CABIN1: variants seen among roughly 807,000 people sequenced by gnomAD.
The protein encoded by CABIN1 is calcineurin-binding protein cabin-1.
In CABIN1, 133 loss-of-function variants were observed where a neutral mutation model predicts 227.7. That is an observed-to-expected ratio of 0.58 (90% CI 0.51 to 0.67). CABIN1 has a LOEUF of 0.67. Ranked by LOEUF, CABIN1 falls within the 30% of genes least tolerant of loss-of-function variation. The pLI, the probability that CABIN1 is intolerant of heterozygous loss-of-function variation, is 0.00. For synonymous variants in CABIN1, 1,086 were observed against 1,155.1 expected (o/e 0.94, Z 1.21); for missense variants, 2,408 against 2,852.5 (o/e 0.84, Z 3.55).
In CABIN1 at chr22:24,072,474, T is replaced by C. The variant is rs1262115576; in HGVS notation, c.2596T>C (p.Cys866Arg). 6.2e-7 allele frequency: 1 copy of C among 1,614,078 alleles called. No homozygotes were observed. The highest frequency in any genetic ancestry group is 1.3e-5 in the African/African-American group (1 of 74,922). ...WQEEDTFHSL[C>R]HQQQLQNPAE... ...GGAGGAAGACACCTTCCATTCTCTG[T>C]GCCACCAGCAGCAGCTCCAAAACCC... Residue 866 changes from cysteine to arginine, a missense_variant, in exon 18 of 37, where the codon TGC becomes CGC. Physicochemically the swap from Cys to Arg is radical, Grantham distance 180 (BLOSUM62 -3). Transcript: ENST00000263119.
At chr22:24,048,611 G>A (rs1253936665) in intron 6 of CABIN1, among the ~76,000 whole-genome samples, 1 of 152,116 alleles carries the variant, frequency 6.6e-6, no homozygotes, top group African/African-American at 2.4e-5. Context: ...TGTAGAGATG[G>A]GGTTTCATCA....
chr22:24,140,470 T>C (rs1048527291), intron 29 of CABIN1, among the ~76,000 whole-genome samples: 1 of 152,136 alleles, frequency 6.6e-6, no homozygotes, highest in African/African-American at 2.4e-5. Context: ...TGAGGGTTTG[T>C]GTCTGGGTGC....
chr22:24,110,776 T>C (rs1189349171), intron 26 of CABIN1, among the ~76,000 whole-genome samples: 4 of 152,216 alleles, frequency 2.6e-5, no homozygotes, highest in African/African-American at 7.2e-5. Context: ...TTCTTAACTT[T>C]GTCCCTCTGT....
chr22:24,156,879 G>A (rs1217653524), intron 29 of CABIN1, among the ~76,000 whole-genome samples: 1 of 152,152 alleles, frequency 6.6e-6, no homozygotes, highest in African/African-American at 2.4e-5. Context: ...GGAACAGCCC[G>A]GCAGTTCTGG....
At chr22:24,063,927 C>T (rs938207737) in intron 14 of CABIN1, 108 bp from the exon 15 acceptor site, 66 of 1,426,708 alleles carry the variant, frequency 4.6e-5, no homozygotes, top group Non-Finnish European at 5.9e-5. Flanking sequence ...TGGTAAAAAA[C>T]CCACCCTCAT....
intron 13 of CABIN1, among the ~76,000 whole-genome samples, chr22:24,062,346 A>ATTT (rs35757164): frequency 1.6e-4 from 15 of 96,540 alleles, no homozygotes; most frequent in Admixed American, 4.2e-4. Context: ...GGTGATACGG[A>ATTT]TTTTTTTTTT....
chr22:24,136,351 T>G (rs2044395445), intron 29 of CABIN1, among the ~76,000 whole-genome samples: 2 of 137,802 alleles, frequency 1.5e-5, no homozygotes, highest in Admixed American at 7.1e-5. Context: ...TCCCTCCTTT[T>G]TTTTTTTTTT....
At chr22:24,107,005 C>G (rs1424224222) in intron 26 of CABIN1, among the ~76,000 whole-genome samples, 2 of 152,170 alleles carry the variant, frequency 1.3e-5, no homozygotes, top group African/African-American at 2.4e-5. Flanking sequence ...GGGCCTTGGG[C>G]CTTGAGTCCC....
intron 6 of CABIN1, among the ~76,000 whole-genome samples, chr22:24,044,925 C>CA (rs2037724711): frequency 1.4e-5 from 2 of 140,200 alleles, no homozygotes; most frequent in Non-Finnish European, 3.1e-5. Flanking sequence ...TCAGAATCAC[C>CA]TTTTTTTTTT....
intron 8 of CABIN1, 127 bp from the exon 9 acceptor site, chr22:24,054,746 C>A (rs568322111): frequency 6.1e-6 from 7 of 1,152,252 alleles, no homozygotes; most frequent in African/African-American, 4.5e-5. Flanking sequence ...TCACCTCCCC[C>A]ACCCCCATGG....
chr22:24,146,753 A>G (rs897823319), intron 29 of CABIN1, among the ~76,000 whole-genome samples: 5 of 152,282 alleles, frequency 3.3e-5, no homozygotes, highest in Non-Finnish European at 7.3e-5. Context: ...ATCCGGAGAC[A>G]GTTTTCATCT....
intron 29 of CABIN1, chr22:24,155,933 G>A (rs1163613907): frequency 8.0e-6 from 4 of 502,596 alleles, no homozygotes; most frequent in South Asian, 5.1e-5. Flanking sequence ...TCCTGGGCCC[G>A]CTTCCAGTAG....
At chr22:24,131,810 A>G (rs1431431203) in intron 28 of CABIN1, among the ~76,000 whole-genome samples, 2 of 152,152 alleles carry the variant, frequency 1.3e-5, no homozygotes, top group Admixed American at 1.3e-4. Context: ...TCGCGCCTGT[A>G]ATTCCAACAC....
chr22:24,014,798 C>G lies in CABIN1; in HGVS notation c.-75+3431C>G, dbSNP rs540330008. 5.3e-5 allele frequency among the ~76,000 whole-genome samples: 8 copies of G among 152,250 alleles called. No homozygotes were observed. The East Asian group carries it at 1.5e-3, about 29-fold the overall frequency. On this transcript the variant is annotated intron_variant, in intron 1 of 36. Coordinates refer to ENST00000263119, the MANE Select transcript of CABIN1 (RefSeq NM_012295.4). ...GCCTACTGCCCTGTTCCCATTCACC[C>G]CTTCTTTTCACCGCTTTCCCACCTA... is the stretch of plus-strand genomic sequence containing the variant.
In CABIN1 at chr22:24,060,159, A is replaced by G. The variant is rs779690956; in HGVS notation, c.1617+18A>G. On this transcript the variant is annotated intron_variant, in intron 12 of 36. Transcript: ENST00000263119. The stretch of plus-strand genomic sequence containing the variant: ...ACATCAAGGTTAGGGGGAGCCTCTC[A>G]AGGGCTGGTATTGAACTGGGACCAG... 1.6e-5 allele frequency: 25 copies of G among 1,608,364 alleles called. No homozygotes were observed. In the Admixed American group the frequency reaches 4.2e-4, roughly 27 times the overall value.
In CABIN1 at chr22:24,055,131, T is replaced by C; in HGVS notation, c.1065T>C (p.Pro355=). 1 of 1,613,424 alleles carries C rather than the reference T, an allele frequency of 6.2e-7. No individual in the cohort carries two copies. Among genetic ancestry groups the C allele is most frequent in the Non-Finnish European group, 8.5e-7 (1 of 1,180,038 alleles). The part of the protein sequence containing the change: ...VATTSFPLHS[P]GLLETGAPVG... ...CAACCAGCTTCCCACTGCACAGTCC[T>C]GGTCTGTTGGAGACAGGCGCTCCTG... The change falls in exon 9 of 37, where the codon CCT becomes CCC. Residue 355 remains proline (P), a synonymous_variant. Coordinates refer to ENST00000263119, the MANE Select transcript of CABIN1 (RefSeq NM_012295.4).
At position 24,064,484 on chromosome 22, in the gene CABIN1, G is replaced by A. The variant is rs555055058; in HGVS notation, c.2037+297G>A. ...GGCCTCTCGCAGTGCTGGGATTACA[G>A]GTGTGAGCCACTGTGCCCAGCTGAA... On this transcript the variant is annotated intron_variant, in intron 15 of 36. Coordinates refer to ENST00000263119, the MANE Select transcript of CABIN1 (RefSeq NM_012295.4). Among the ~76,000 whole-genome samples, 43 of 150,888 alleles carry A rather than the reference G, an allele frequency of 2.8e-4. 1 individual carries two copies. The South Asian group carries it at 9.0e-3, about 32-fold the overall frequency.
chr22:24,115,611 G>C (rs1335588509), intron 27 of CABIN1, among the ~76,000 whole-genome samples: 1 of 152,176 alleles, frequency 6.6e-6, no homozygotes, highest in African/African-American at 2.4e-5. Context: ...TGGGAGCAGA[G>C]CACTCATCCA....
chr22:24,085,929 A>G (rs2041129071), intron 22 of CABIN1, among the ~76,000 whole-genome samples: 1 of 152,212 alleles, frequency 6.6e-6, no homozygotes, highest in South Asian at 2.1e-4. Flanking sequence ...AGGCTGTGAT[A>G]GCTGCCCTTG....
Sources: allele counts gnomAD v4.1 joint callset (sites outside exome capture counted in the v4.1 genomes callset), GRCh38; gene constraint gnomAD v4.1.1; transcripts MANE v1.5; gene names NCBI Gene and HGNC (gene_info 2026-07-23, HGNC 2026-07-21).